Variants in PPP4R4 observed in about 807,000 individuals in gnomAD.
PPP4R4 encodes protein phosphatase 4 regulatory subunit 4.
Under a neutral mutation model 121.8 loss-of-function variants are expected in PPP4R4, and 70 were observed. The observed-to-expected ratio is 0.57, with a 90% CI of 0.47 to 0.70. The LOEUF is 0.70. PPP4R4 is among the 30% of genes least tolerant of loss of function. The pLI is 0.00. For missense variants in PPP4R4, 875 were observed against 1,033.6 expected, an observed-to-expected ratio of 0.85 and a Z score of 2.10; for synonymous variants, 348 against 355.7, an observed-to-expected ratio of 0.98 and a Z score of 0.24.
Position 94,259,322 on chromosome 14 carries a change from T to G in PPP4R4, c.2080T>G (p.Leu694Val), listed in dbSNP as rs1388633371. The G allele has an allele frequency of 6.2e-7, 1 of 1,609,082 alleles. No individual in the cohort carries two copies. The highest frequency in any genetic ancestry group is 8.5e-7 in the Non-Finnish European group (1 of 1,178,630). The change falls in exon 19 of 25, where the codon TTG becomes GTG. Residue 694 changes from leucine (L) to valine (V), a missense_variant. Leu to Val is a conservative substitution (Grantham distance 32, BLOSUM62 1). Coordinates refer to ENST00000304338, the MANE Select transcript of PPP4R4 (RefSeq NM_058237.2). ...TCAGAAAAAGTTTTATGAGAAAGAT[T>G]TGTTGGATCAAGAGAAAGAAAGAGA... ...AFQKKFYEKD[L>V]LDQEKEREEL...
At chr14:94,195,603 GCA>G (rs1567108811) in intron 2 of PPP4R4, among the ~76,000 whole-genome samples, 8 of 152,160 alleles carry the variant, frequency 5.3e-5, no homozygotes, top group African/African-American at 1.9e-4. Flanking sequence ...GCTGTCTTGT[GCA>G]TTGTAGGATG....
intron 3 of PPP4R4, among the ~76,000 whole-genome samples, chr14:94,217,919 G>A (rs760075117): frequency 1.3e-5 from 2 of 152,146 alleles, no homozygotes; most frequent in South Asian, 4.2e-4. Flanking sequence ...GCTTGAACCC[G>A]GGAGGCGGAG....
At chr14:94,221,942 C>A (rs1891421703) in intron 3 of PPP4R4, among the ~76,000 whole-genome samples, 1 of 151,980 alleles carries the variant, frequency 6.6e-6, no homozygotes, top group Admixed American at 6.5e-5. Context: ...TGGAAACAAC[C>A]CAAATATCAG....
chr14:94,202,981 CA>C (rs34939190), intron 2 of PPP4R4, among the ~76,000 whole-genome samples: 5,445 of 143,526 alleles, frequency 0.038, 266 homozygotes, highest in African/African-American at 0.11. Context: ...GACTCCATCT[CA>C]AAAAAAAAAA....
At chr14:94,208,610 AGTAGC>A in intron 3 of PPP4R4, 44 bp downstream of exon 3, 1 of 1,485,920 alleles carries the variant, frequency 6.7e-7, no homozygotes, top group Admixed American at 1.7e-5. Flanking sequence ...ATTTTTTCCC[AGTAGC>A]ATGTTGTCAT....
At chr14:94,242,057 C>T in intron 10 of PPP4R4, 100 bp downstream of exon 10, 1 of 1,242,318 alleles carries the variant, frequency 8.0e-7, no homozygotes, top group Non-Finnish European at 1.1e-6. Flanking sequence ...ACACTTGCTG[C>T]TTGCATTATG....
chr14:94,246,643 C>A, intron 14 of PPP4R4, 104 bp downstream of exon 14: 2 of 1,268,746 alleles, frequency 1.6e-6, no homozygotes, highest in Non-Finnish European at 2.2e-6. Context: ...TCAGTTCATT[C>A]CATTCTACCT....
chr14:94,227,630 TA>T lies in PPP4R4; in HGVS notation c.295-2956del, dbSNP rs1316865715. 3.4e-6 allele frequency: 4 copies of T among 1,174,066 alleles called. No homozygotes were observed. The African/African-American group carries it at 6.4e-5, about 19-fold the overall frequency. The allele number at this position is 1,174,066 out of a possible 1,614,324, so 72.7% of individuals were successfully genotyped here. On this transcript the variant is annotated intron_variant, in intron 3 of 24. Coordinates refer to ENST00000304338, the MANE Select transcript of PPP4R4 (RefSeq NM_058237.2). ...AAGACTAAGTAATACAGTAAGAAGATATGAAGTTGGAGAGCTTCTCATGTTC... is the reference window on the plus strand; with the variant it reads ...AAGACTAAGTAATACAGTAAGAAGATTGAAGTTGGAGAGCTTCTCATGTTC...
At chr14:94,267,893 A>G (rs554638961) in intron 23 of PPP4R4, among the ~76,000 whole-genome samples, 36 of 152,252 alleles carry the variant, frequency 2.4e-4, no homozygotes, top group Admixed American at 2.1e-3. Context: ...AGGAATGTAT[A>G]TACTCATTGG....
In PPP4R4 at chr14:94,278,801, G is replaced by A; in HGVS notation, c.*158G>A. The A allele has an allele frequency of 1.8e-6, 1 of 542,660 alleles. No homozygotes were observed. Among genetic ancestry groups the A allele is most frequent in the Non-Finnish European group, 2.9e-6 (1 of 339,514 alleles). The allele number at this position is 542,660 out of a possible 1,614,324, so 33.6% of individuals were successfully genotyped here. A position where few individuals can be genotyped will look rare whatever the true frequency, so the allele number is the denominator to read the frequency against. On this transcript the variant is annotated 3_prime_UTR_variant, in exon 25 of 25. Coordinates refer to ENST00000304338, the MANE Select transcript of PPP4R4 (RefSeq NM_058237.2). ...AAAGAGAGACATAATGACAGCTGAT[G>A]TTAAACTTTTCATATTTCAAATTAG... is the stretch of plus-strand genomic sequence containing the variant.
intron 19 of PPP4R4, among the ~76,000 whole-genome samples, chr14:94,263,310 TA>T (rs1038315494): frequency 1.3e-5 from 2 of 152,100 alleles, no homozygotes; most frequent in African/African-American, 2.4e-5. Context: ...TCTCAATTTT[TA>T]AAAAAACTCT....
chr14:94,183,940 G>C (rs1288507941), intron 2 of PPP4R4, among the ~76,000 whole-genome samples: 2 of 151,784 alleles, frequency 1.3e-5, no homozygotes, highest in Non-Finnish European at 2.9e-5. Flanking sequence ...ATACATATTT[G>C]AATAATGTGT....
intron 2 of PPP4R4, among the ~76,000 whole-genome samples, chr14:94,206,661 C>T (rs185606380): frequency 2.0e-5 from 3 of 151,928 alleles, no homozygotes; most frequent in African/African-American, 7.2e-5. Context: ...ATGTTCCTGA[C>T]ATCTGTTCAT....
chr14:94,234,768 A>G (rs886862718), intron 7 of PPP4R4, 99 bp downstream of exon 7: 8 of 821,648 alleles, frequency 9.7e-6, no homozygotes, highest in Non-Finnish European at 1.6e-5. Flanking sequence ...TACCTCCTCT[A>G]TGTCTGGATT....
intron 2 of PPP4R4, 145 bp from the exon 3 acceptor site, chr14:94,208,319 A>G: frequency 2.1e-6 from 1 of 474,854 alleles, no homozygotes; most frequent in Non-Finnish European, 3.6e-6. Context: ...TTATATCTAA[A>G]TGATGTATTT....
In PPP4R4 at chr14:94,265,892, G is replaced by A. The variant is rs773780067; in HGVS notation, c.2378+5G>A. 3.0e-5 allele frequency: 46 copies of A among 1,540,672 alleles called. No homozygotes were observed. Among genetic ancestry groups the A allele is most frequent in the Admixed American group, 2.1e-4 (12 of 57,634 alleles). On this transcript the variant is annotated splice_donor_5th_base_variant and intron_variant, in intron 22 of 24. Coordinates refer to ENST00000304338, the MANE Select transcript of PPP4R4 (RefSeq NM_058237.2). ...CAACTTAGAGAAATGTGCTAGGTACGATCTGTAAGCCCTTCAATTTTTAAC... is the reference window on the plus strand; with the variant it reads ...CAACTTAGAGAAATGTGCTAGGTACAATCTGTAAGCCCTTCAATTTTTAAC...
chr14:94,255,727 T>C (rs552468978), intron 16 of PPP4R4, among the ~76,000 whole-genome samples: 53 of 152,328 alleles, frequency 3.5e-4, no homozygotes, highest in Non-Finnish European at 7.3e-4. Flanking sequence ...TTGTTTCTCT[T>C]TTTCTGTTCT....
intron 3 of PPP4R4, among the ~76,000 whole-genome samples, chr14:94,230,319 T>C (rs1891945467): frequency 6.6e-6 from 1 of 152,232 alleles, no homozygotes; most frequent in South Asian, 2.1e-4. Context: ...TAAAGGTTTA[T>C]GTACTGTTTA....
At chr14:94,233,905 G>A (rs1892189794) in intron 6 of PPP4R4, 146 bp downstream of exon 6, 8 of 611,110 alleles carry the variant, frequency 1.3e-5, no homozygotes, top group East Asian at 3.2e-5. Context: ...TTCTCATGAC[G>A]AATTTACTTA....
Sources: allele counts gnomAD v4.1 joint callset (sites outside exome capture counted in the v4.1 genomes callset), GRCh38; gene constraint gnomAD v4.1.1; transcripts MANE v1.5; gene names NCBI Gene and HGNC (gene_info 2026-07-23, HGNC 2026-07-21).